Variants in STYX observed in about 807,000 individuals in gnomAD.
The protein encoded by STYX is serine/threonine/tyrosine-interacting protein.
STYX carries 20 observed loss-of-function variants against 42.7 expected under a neutral mutation model. The ratio of observed to expected loss-of-function variants is 0.47; its 90% CI spans 0.33 to 0.68. The LOEUF is 0.68. STYX is among the 30% of genes least tolerant of loss of function. The pLI is 0.02. For missense variants in STYX, 226 were observed against 268.5 expected, an observed-to-expected ratio of 0.84 and a Z score of 1.11; for synonymous variants, 78 against 81.9, an observed-to-expected ratio of 0.95 and a Z score of 0.26.
At chr14:52,745,892 G>C (rs1224633969) in intron 2 of STYX, among the ~76,000 whole-genome samples, 1 of 152,200 alleles carries the variant, frequency 6.6e-6, no homozygotes, top group African/African-American at 2.4e-5. Context: ...GCCCACAAAA[G>C]CCTGGTGGAA....
At chr14:52,746,861 T>A (rs1881414435) in intron 3 of STYX, among the ~76,000 whole-genome samples, 3 of 152,222 alleles carry the variant, frequency 2.0e-5, no homozygotes. Context: ...ACCTTCCTTA[T>A]CAAGGGTAAG....
In STYX at chr14:52,774,557, G is replaced by T. The variant is rs946230395; in HGVS notation, c.*3451G>T. 2 of 149,506 alleles carry T rather than the reference G, an allele frequency of 1.3e-5. No individual in the cohort carries two copies. The highest frequency in any genetic ancestry group is 3.0e-5 in the Non-Finnish European group (2 of 67,472). The allele number at this position is 149,506 out of a possible 1,614,324, so 9.3% of individuals were successfully genotyped here. A position where few individuals can be genotyped will look rare whatever the true frequency, so the allele number is the denominator to read the frequency against. On this transcript the variant is annotated 3_prime_UTR_variant, in exon 11 of 11. Coordinates refer to ENST00000354586, the MANE Select transcript of STYX (RefSeq NM_145251.4). ...AAAGACCTTTTTTTTTAATTGATTA[G>T]AAAAGTAAGTCTCTAGGGTCTTTGA...
chr14:52,731,220 C>T (rs1057437157), intron 1 of STYX, among the ~76,000 whole-genome samples: 3 of 151,992 alleles, frequency 2.0e-5, no homozygotes, highest in African/African-American at 4.8e-5. Context: ...TAACATTTTA[C>T]GGCATTGCAG....
At chr14:52,760,980 A>G (rs1463019703) in intron 9 of STYX, among the ~76,000 whole-genome samples, 1 of 152,214 alleles carries the variant, frequency 6.6e-6, no homozygotes, top group Non-Finnish European at 1.5e-5. Context: ...AAATGTGTAA[A>G]AACATTCTTT....
chr14:52,746,007 G>A (rs1403006833), intron 2 of STYX, among the ~76,000 whole-genome samples: 1 of 152,134 alleles, frequency 6.6e-6, no homozygotes, highest in African/African-American at 2.4e-5. Context: ...TTTCTGTATT[G>A]AATTTACATA....
chr14:52,731,703 G>GAA (rs979013322), intron 1 of STYX: 9 of 152,068 alleles, frequency 5.9e-5, no homozygotes, highest in African/African-American at 2.2e-4. Context: ...CCAAAGTGCT[G>GAA]AAATTGCAGG....
chr14:52,746,789 A>G (rs74642116), intron 3 of STYX, among the ~76,000 whole-genome samples: 16,081 of 152,258 alleles, frequency 0.11, 900 homozygotes, highest in South Asian at 0.15. Context: ...TGCTAATCAT[A>G]GCTTCAGAAC....
chr14:52,756,119 C>T (rs1419245046), intron 4 of STYX, among the ~76,000 whole-genome samples: 1 of 152,042 alleles, frequency 6.6e-6, no homozygotes, highest in Non-Finnish European at 1.5e-5. Context: ...TCCAGGCTCA[C>T]ACAGTTCTAC....
intron 1 of STYX, among the ~76,000 whole-genome samples, chr14:52,730,993 A>G (rs8004624): frequency 0.49 from 74,568 of 152,084 alleles, 18,389 homozygotes; most frequent in Middle Eastern, 0.57. Context: ...GTTTGTTTTT[A>G]GACAAAGCTA....
intron 3 of STYX, among the ~76,000 whole-genome samples, chr14:52,749,712 T>C (rs1421463372): frequency 6.6e-6 from 1 of 152,206 alleles, no homozygotes; most frequent in Non-Finnish European, 1.5e-5. Context: ...GAAAACTTAT[T>C]ATCTGGTAAT....
At chr14:52,756,462 A>G (rs964090815) in intron 4 of STYX, 89 bp from the exon 5 acceptor site, 15 of 761,786 alleles carry the variant, frequency 2.0e-5, no homozygotes, top group Non-Finnish European at 3.0e-5. Flanking sequence ...CATTCTTGCC[A>G]TGGTTAACAA....
intron 8 of STYX, among the ~76,000 whole-genome samples, 194 bp downstream of exon 8, chr14:52,758,118 A>G (rs1320609031): frequency 2.0e-5 from 3 of 152,218 alleles, no homozygotes; most frequent in Non-Finnish European, 4.4e-5. Context: ...ATAGGCTAAT[A>G]TGGAAATCCT....
rs1033062905 is a variant in STYX at position 52,744,766 on chromosome 14, TAC to T, written c.58-84_58-83del. On this transcript the variant is annotated intron_variant, in intron 1 of 10. Transcript: ENST00000354586. ...AAGTATAATGTAACTTTAAAAAATC[TAC>T]ATACTTGTGTGTCACATCTTTAGCC... 2.4e-6 allele frequency: 3 copies of T among 1,257,930 alleles called. No homozygotes were observed. The Admixed American group carries it at 5.8e-5, about 24-fold the overall frequency. 77.9% of individuals were successfully genotyped at this position (1,257,930 alleles called of 1,614,324 possible).
At chr14:52,730,589 G>T (rs1880657066) in intron 1 of STYX, 58 bp downstream of exon 1, 3 of 1,576,944 alleles carry the variant, frequency 1.9e-6, no homozygotes, top group Non-Finnish European at 2.6e-6. Flanking sequence ...CGGCCGAGGG[G>T]CGACCCCAGT....
intron 1 of STYX, 70 bp from the exon 2 acceptor site, chr14:52,744,782 A>G: frequency 7.0e-7 from 1 of 1,421,236 alleles, no homozygotes; most frequent in Non-Finnish European, 9.9e-7. Flanking sequence ...CTTGTGTGTC[A>G]CATCTTTAGC....
At chr14:52,765,167 T>C (rs1594882465) in intron 9 of STYX, among the ~76,000 whole-genome samples, 4 of 152,218 alleles carry the variant, frequency 2.6e-5, no homozygotes. Flanking sequence ...TATTTAATAC[T>C]TTTTCCCTAG....
At chr14:52,737,092 T>C (rs1290925033) in intron 1 of STYX, among the ~76,000 whole-genome samples, 1 of 152,144 alleles carries the variant, frequency 6.6e-6, no homozygotes, top group East Asian at 1.9e-4. Flanking sequence ...CTATGTACAA[T>C]TTGTGTTTTA....
At chr14:52,730,855 T>G (rs983092511) in intron 1 of STYX, among the ~76,000 whole-genome samples, 1 of 152,222 alleles carries the variant, frequency 6.6e-6, no homozygotes, top group African/African-American at 2.4e-5. Flanking sequence ...CGAAGTTGGT[T>G]TAGTCTCCTT....
chr14:52,743,031 G>T (rs1209650543), intron 1 of STYX, among the ~76,000 whole-genome samples: 1 of 151,340 alleles, frequency 6.6e-6, no homozygotes, highest in African/African-American at 2.4e-5. Context: ...CCTAACCTCA[G>T]GTGATCCACC....
Sources: allele counts gnomAD v4.1 joint callset (sites outside exome capture counted in the v4.1 genomes callset), GRCh38; gene constraint gnomAD v4.1.1; transcripts MANE v1.5; gene names NCBI Gene and HGNC (gene_info 2026-07-23, HGNC 2026-07-21).